CSMD3: variants seen among roughly 807,000 people sequenced by gnomAD.
CSMD3 encodes CUB and Sushi multiple domains 3, also known as CUB and sushi domain-containing protein 3.
In CSMD3, 177 loss-of-function variants were observed where a neutral mutation model predicts 435.2. That is an observed-to-expected ratio of 0.41 (90% CI 0.36 to 0.46). The LOEUF (loss-of-function observed/expected upper bound fraction) is 0.46, where lower values mean the gene tolerates loss of function less well. Ranked by LOEUF, CSMD3 falls within the 20% of genes least tolerant of loss-of-function variation. CSMD3 has a pLI of 0.34. For missense variants in CSMD3, 4,265 were observed against 4,504.6 expected, an observed-to-expected ratio of 0.95 and a Z score of 1.52; for synonymous variants, 1,656 against 1,520.5, an observed-to-expected ratio of 1.09 and a Z score of -2.07.
At chr8:113,156,511 T>A (rs989836780) in intron 4 of CSMD3, among the ~76,000 whole-genome samples, 2 of 151,828 alleles carry the variant, frequency 1.3e-5, no homozygotes, top group African/African-American at 4.8e-5. Context: ...AAAATTAATA[T>A]ATTGTTAGAA....
chr8:112,578,202 C>T (rs996027813), intron 23 of CSMD3, among the ~76,000 whole-genome samples: 1 of 151,826 alleles, frequency 6.6e-6, no homozygotes, highest in Non-Finnish European at 1.5e-5. Flanking sequence ...GAGTAGAGAA[C>T]TTTTGTTTGC....
intron 12 of CSMD3, among the ~76,000 whole-genome samples, chr8:112,824,830 C>T (rs566596279): frequency 4.5e-4 from 68 of 152,144 alleles, no homozygotes; most frequent in African/African-American, 1.5e-3. Flanking sequence ...CTCTGTATTT[C>T]CTGAATCTGA....
At chr8:112,944,581 C>T (rs2083548143) in intron 9 of CSMD3, among the ~76,000 whole-genome samples, 1 of 151,718 alleles carries the variant, frequency 6.6e-6, no homozygotes, top group South Asian at 2.1e-4. Context: ...ACTATCTGAA[C>T]TGTCTTTATT....
At chr8:112,977,815 A>G (rs2084909301) in intron 6 of CSMD3, among the ~76,000 whole-genome samples, 1 of 152,102 alleles carries the variant, frequency 6.6e-6, no homozygotes, top group Non-Finnish European at 1.5e-5. Context: ...CCTATTTCAT[A>G]GATCAGAATC....
intron 10 of CSMD3, among the ~76,000 whole-genome samples, chr8:112,873,788 T>C (rs2081201207): frequency 6.6e-6 from 1 of 152,108 alleles, no homozygotes. Flanking sequence ...TTCTGTCTAT[T>C]TGATTCTTCT....
chr8:113,006,202 T>A (rs1451482650), intron 6 of CSMD3, among the ~76,000 whole-genome samples: 1 of 152,108 alleles, frequency 6.6e-6, no homozygotes, highest in Non-Finnish European at 1.5e-5. Context: ...AGTTTGTGCA[T>A]ACGTCCTGGA....
chr8:113,433,132 T>C (rs1274478526), intron 1 of CSMD3, among the ~76,000 whole-genome samples: 1 of 152,070 alleles, frequency 6.6e-6, no homozygotes, highest in African/African-American at 2.4e-5. Flanking sequence ...TACCTTTCAG[T>C]GGGTTTCTCA....
intron 62 of CSMD3, 93 bp downstream of exon 62, chr8:112,255,161 C>A: frequency 9.6e-7 from 1 of 1,036,526 alleles, no homozygotes. Flanking sequence ...TTATATTAAG[C>A]CAACTATAGG....
rs867940248 is a variant in CSMD3 at position 112,361,598 on chromosome 8, T to C, written c.6137-9064A>G. Among the ~76,000 whole-genome samples the C allele has an allele frequency of 7.4e-3, 970 of 131,502 alleles. 39 individuals are homozygous for C. The highest frequency in any genetic ancestry group is 0.024 in the African/African-American group (881 of 37,282). The allele number at this position is 131,502 out of a possible 152,430, so 86.3% of individuals were successfully genotyped here. On this transcript the variant is annotated intron_variant, in intron 38 of 70. Coordinates refer to ENST00000297405, the MANE Select transcript of CSMD3 (RefSeq NM_198123.2). Reference sequence around the variant, plus strand: ...ATATATATATATATATATATATATATATATATATATATATATATATATGTC... The same window carrying C: ...ATATATATATATATATATATATATACATATATATATATATATATATATGTC...
At chr8:113,368,968 G>A (rs1479791762) in intron 1 of CSMD3, among the ~76,000 whole-genome samples, 2 of 151,962 alleles carry the variant, frequency 1.3e-5, no homozygotes, top group Non-Finnish European at 2.9e-5. Context: ...CCCTCAAATA[G>A]AAACAACTGC....
At chr8:112,669,720 A>G (rs541110074) in intron 16 of CSMD3, among the ~76,000 whole-genome samples, 9 of 152,216 alleles carry the variant, frequency 5.9e-5, no homozygotes, top group African/African-American at 1.7e-4. Flanking sequence ...TCGACGTACC[A>G]TTGTCTGACA....
At chr8:112,789,990 AAAGTT>A (rs1447928260) in intron 13 of CSMD3, among the ~76,000 whole-genome samples, 2 of 151,942 alleles carry the variant, frequency 1.3e-5, no homozygotes, top group African/African-American at 4.8e-5. Flanking sequence ...TTTATTATTA[AAAGTT>A]AAGAATCAAC....
At chr8:113,018,095 T>C (rs2086538376) in intron 6 of CSMD3, among the ~76,000 whole-genome samples, 1 of 152,110 alleles carries the variant, frequency 6.6e-6, no homozygotes, top group South Asian at 2.1e-4. Flanking sequence ...TAAGAATTTT[T>C]ATTACAGTGA....
At chr8:112,685,811 T>A in intron 14 of CSMD3, 79 bp from the exon 15 acceptor site, 2 of 911,448 alleles carry the variant, frequency 2.2e-6, no homozygotes, top group Non-Finnish European at 3.5e-6. Context: ...ATTCTACAAT[T>A]ATGATAATCA....
intron 13 of CSMD3, among the ~76,000 whole-genome samples, chr8:112,739,676 A>G (rs2077260778): frequency 6.6e-6 from 1 of 151,814 alleles, no homozygotes; most frequent in South Asian, 2.1e-4. Flanking sequence ...ACACCATTAC[A>G]GTTAGAGCAC....
At chr8:112,996,268 T>C (rs191459114) in intron 6 of CSMD3, among the ~76,000 whole-genome samples, 69 of 151,710 alleles carry the variant, frequency 4.5e-4, no homozygotes, top group African/African-American at 1.5e-3. Context: ...CCTCCGACCC[T>C]AGCCCCTGGT....
intron 13 of CSMD3, among the ~76,000 whole-genome samples, chr8:112,708,310 C>A (rs144926412): frequency 6.6e-6 from 1 of 152,096 alleles, no homozygotes; most frequent in African/African-American, 2.4e-5. Flanking sequence ...AAATTATACC[C>A]AGATGGTAGA....
At chr8:112,508,913 A>T (rs182491477) in intron 28 of CSMD3, among the ~76,000 whole-genome samples, 2 of 152,332 alleles carry the variant, frequency 1.3e-5, no homozygotes, top group East Asian at 1.9e-4. Context: ...AACAAGTCCA[A>T]CAAAGCAGAA....
At chr8:113,117,974 G>T (rs2090885729) in intron 4 of CSMD3, among the ~76,000 whole-genome samples, 1 of 152,166 alleles carries the variant, frequency 6.6e-6, no homozygotes. Context: ...AGGTGGAAGG[G>T]ACTTGGTTGT....
Sources: gnomAD v4.1 joint callset for allele counts (sites outside exome capture counted in the v4.1 genomes callset) on GRCh38, gnomAD v4.1.1 for gene constraint, MANE v1.5 for transcripts, NCBI Gene and HGNC (gene_info 2026-07-23, HGNC 2026-07-21) for gene names.